Variants in CCSER2 observed in about 807,000 individuals in gnomAD.
CCSER2 encodes serine-rich coiled-coil domain-containing protein 2.
In CCSER2, 46 loss-of-function variants were observed where a neutral mutation model predicts 92.3. The observed-to-expected ratio is 0.50, with a 90% CI of 0.39 to 0.64. The LOEUF (loss-of-function observed/expected upper bound fraction) is 0.64, where lower values mean the gene tolerates loss of function less well. Among genes scored for constraint, CCSER2 ranks in the 30% least tolerant of loss-of-function variants. The pLI is 0.00. For synonymous variants in CCSER2, 433 were observed against 431.4 expected, an observed-to-expected ratio of 1.00 and a Z score of -0.04; for missense variants, 1,244 against 1,238.9, an observed-to-expected ratio of 1.00 and a Z score of -0.06.
intron 3 of CCSER2, among the ~76,000 whole-genome samples, chr10:84,396,311 TA>T (rs1350704131): frequency 6.6e-6 from 1 of 150,708 alleles, no homozygotes; most frequent in African/African-American, 2.4e-5. Flanking sequence ...TATACTATAT[TA>T]TATACACACA....
At chr10:84,397,030 C>T (rs1841881362) in intron 3 of CCSER2, among the ~76,000 whole-genome samples, 1 of 152,186 alleles carries the variant, frequency 6.6e-6, no homozygotes, top group East Asian at 1.9e-4. Context: ...ACATCTACCA[C>T]CTTACTTGTG....
At position 84,425,817 on chromosome 10, in the gene CCSER2, A is replaced by C; in HGVS notation, c.1792A>C (p.Arg598=). Residue 598 remains arginine, a synonymous_variant, in exon 5 of 10, where the codon AGG becomes CGG. Transcript: ENST00000372088. ...AGGTTTTTGGAAAAGGCCACCCCAG[A>C]GGTGGAGTGGACAGGAGCATTACCA... The part of the protein sequence containing the change: ...QEGFWKRPPQ[R]WSGQEHYHLS... 1.2e-6 allele frequency: 2 copies of C among 1,613,298 alleles called. No homozygotes were observed. The highest frequency in any genetic ancestry group is 2.2e-5 in the South Asian group (2 of 91,026).
intron 3 of CCSER2, among the ~76,000 whole-genome samples, chr10:84,382,972 CT>C (rs1436034366): frequency 1.3e-5 from 2 of 152,160 alleles, no homozygotes; most frequent in Non-Finnish European, 2.9e-5. Context: ...AAGAGGAGAG[CT>C]GGCTAGATTT....
At chr10:84,446,906 T>A (rs954091049) in intron 6 of CCSER2, among the ~76,000 whole-genome samples, 6 of 152,146 alleles carry the variant, frequency 3.9e-5, no homozygotes, top group Non-Finnish European at 7.3e-5. Context: ...AACTTTTTTT[T>A]AAGGTTCATT....
chr10:84,455,505 A>T, intron 6 of CCSER2: 1 of 328,802 alleles, frequency 3.0e-6, no homozygotes, highest in South Asian at 2.7e-5. Context: ...CAAACTCCTG[A>T]CCTCAGGTGA....
intron 1 of CCSER2, among the ~76,000 whole-genome samples, chr10:84,357,654 G>T (rs952773322): frequency 1.1e-4 from 17 of 152,092 alleles, no homozygotes; most frequent in Non-Finnish European, 2.2e-4. Flanking sequence ...GTTTCACCGT[G>T]TTAGCCAGGA....
chr10:84,396,181 A>G (rs1841820157), intron 3 of CCSER2, among the ~76,000 whole-genome samples: 1 of 108,216 alleles, frequency 9.2e-6, no homozygotes, highest in Non-Finnish European at 1.8e-5. Flanking sequence ...TTAGTTATTC[A>G]ACACTGTGTG....
intron 8 of CCSER2, among the ~76,000 whole-genome samples, chr10:84,472,705 T>A (rs774166273): frequency 2.0e-5 from 3 of 152,320 alleles, no homozygotes; most frequent in Non-Finnish European, 4.4e-5. Context: ...TATGGACATA[T>A]GATAAATAAT....
intron 9 of CCSER2, among the ~76,000 whole-genome samples, chr10:84,512,787 A>T (rs922465511): frequency 4.0e-5 from 6 of 151,830 alleles, no homozygotes; most frequent in South Asian, 2.1e-4. Flanking sequence ...TGTTTTTCAC[A>T]TGTCAGCCAT....
intron 1 of CCSER2, among the ~76,000 whole-genome samples, chr10:84,364,497 T>G (rs942493377): frequency 4.6e-5 from 7 of 152,214 alleles, no homozygotes; most frequent in African/African-American, 1.7e-4. Flanking sequence ...TTTGTGACTT[T>G]GGACAAGTAT....
intron 8 of CCSER2, among the ~76,000 whole-genome samples, chr10:84,472,071 G>A (rs542553066): frequency 2.6e-5 from 4 of 152,012 alleles, no homozygotes; most frequent in South Asian, 4.2e-4. Flanking sequence ...AAAAAAAGAC[G>A]AAGTAGAAAA....
chr10:84,504,788 A>G lies in CCSER2; in HGVS notation c.2326-8661A>G, dbSNP rs1291576832. On this transcript the variant is annotated intron_variant, in intron 9 of 9. Coordinates refer to ENST00000372088, the MANE Select transcript of CCSER2 (RefSeq NM_001284240.2). ...TTTAAATTATTTGATTCTCACAACA[A>G]CTCAGAGCCAGAGATATTATTCCAA... is the stretch of plus-strand genomic sequence containing the variant. Among the ~76,000 whole-genome samples the G allele has an allele frequency of 2.2e-4, 33 of 152,198 alleles. 1 individual carries two copies. The highest frequency in any genetic ancestry group is 2.2e-3 in the Admixed American group (33 of 15,276).
chr10:84,497,468 A>G (rs1022285001), intron 9 of CCSER2, among the ~76,000 whole-genome samples: 6 of 152,236 alleles, frequency 3.9e-5, no homozygotes, highest in African/African-American at 9.6e-5. Flanking sequence ...ACTCAGACCT[A>G]TGCCAGAGAT....
At chr10:84,333,566 T>C (rs1306573825) in intron 1 of CCSER2, among the ~76,000 whole-genome samples, 1 of 152,184 alleles carries the variant, frequency 6.6e-6, no homozygotes, top group Non-Finnish European at 1.5e-5. Context: ...TTGGAAAGAT[T>C]AGGTGTTGCA....
intron 3 of CCSER2, among the ~76,000 whole-genome samples, chr10:84,385,383 A>T (rs1485917519): frequency 6.6e-6 from 1 of 152,214 alleles, no homozygotes; most frequent in African/African-American, 2.4e-5. Context: ...TAACCAAAAC[A>T]GCATGGTACT....
chr10:84,436,988 A>G (rs1844198277), intron 5 of CCSER2, among the ~76,000 whole-genome samples: 1 of 152,208 alleles, frequency 6.6e-6, no homozygotes, highest in Non-Finnish European at 1.5e-5. Flanking sequence ...TTAATGCATT[A>G]TGAATTTAAT....
chr10:84,399,131 A>G (rs1841988201), intron 3 of CCSER2, among the ~76,000 whole-genome samples: 1 of 152,148 alleles, frequency 6.6e-6, no homozygotes, highest in South Asian at 2.1e-4. Flanking sequence ...CATACCCATC[A>G]CCTGAATAAT....
At chr10:84,448,828 GTTGTGTACTCTTT>G (rs1388855544) in intron 6 of CCSER2, among the ~76,000 whole-genome samples, 1 of 152,112 alleles carries the variant, frequency 6.6e-6, no homozygotes, top group African/African-American at 2.4e-5. Context: ...GGAACCATTT[GTTGTGTACTCTTT>G]TTGTTTCTGA....
At chr10:84,472,342 GTGGAT>G (rs1203448830) in intron 8 of CCSER2, among the ~76,000 whole-genome samples, 1 of 152,154 alleles carries the variant, frequency 6.6e-6, no homozygotes, top group Non-Finnish European at 1.5e-5. Flanking sequence ...GCCTAGGTGG[GTGGAT>G]TGCTTGAGGT....
Sources: allele counts gnomAD v4.1 joint callset (sites outside exome capture counted in the v4.1 genomes callset), GRCh38; gene constraint gnomAD v4.1.1; transcripts MANE v1.5; gene names NCBI Gene and HGNC (gene_info 2026-07-23, HGNC 2026-07-21).